The following MYO1D variants were observed in gnomAD, a reference collection of about 807,000 sequenced individuals.
MYO1D encodes unconventional myosin-Id.
MYO1D carries 83 observed loss-of-function variants against 122.0 expected under a neutral mutation model. The ratio of observed to expected loss-of-function variants is 0.68; its 90% CI spans 0.57 to 0.82. MYO1D has a LOEUF of 0.82. Among genes scored for constraint, MYO1D ranks in the 40% least tolerant of loss-of-function variants. The pLI, the probability that MYO1D is intolerant of heterozygous loss-of-function variation, is 0.00. For synonymous variants in MYO1D, 464 were observed against 446.9 expected (o/e 1.04, Z -0.48); for missense variants, 1,157 against 1,269.5 (o/e 0.91, Z 1.35).
chr17:32,848,322 G>A (rs900659207), intron 1 of MYO1D, among the ~76,000 whole-genome samples: 1 of 152,160 alleles, frequency 6.6e-6, no homozygotes, highest in African/African-American at 2.4e-5. Flanking sequence ...AATTCACATC[G>A]AAGAATTAGG....
chr17:32,716,520 T>TA (rs749122991), intron 15 of MYO1D, among the ~76,000 whole-genome samples: 4 of 152,202 alleles, frequency 2.6e-5, no homozygotes, highest in Non-Finnish European at 5.9e-5. Flanking sequence ...AGAAATCATT[T>TA]AAAGCCTACT....
rs1360540607 is a variant in MYO1D, at chr17:32,718,445, C to T, written c.1913+2578G>A. Among the ~76,000 whole-genome samples, 4 of 152,282 alleles carry T rather than the reference C, an allele frequency of 2.6e-5. No homozygotes were observed. The East Asian group carries it at 7.7e-4, about 29-fold the overall frequency. On this transcript the variant is annotated intron_variant, in intron 15 of 21. Coordinates refer to ENST00000318217, the MANE Select transcript of MYO1D (RefSeq NM_015194.3). ...GGGCGTGGTGGCTCATGCCTATAAT[C>T]CCAGCACTTTGGGAGGCTGAGGCGG...
intron 14 of MYO1D, among the ~76,000 whole-genome samples, chr17:32,730,662 T>C (rs2150997902): frequency 6.6e-6 from 1 of 152,304 alleles, no homozygotes; most frequent in Non-Finnish European, 1.5e-5. Flanking sequence ...AATCTGTCTT[T>C]TCTCTGGCTG....
chr17:32,849,107 A>C (rs919093867), intron 1 of MYO1D, among the ~76,000 whole-genome samples: 1 of 152,100 alleles, frequency 6.6e-6, no homozygotes, highest in African/African-American at 2.4e-5. Context: ...AATCAAAACC[A>C]CTATGAGATA....
intron 21 of MYO1D, among the ~76,000 whole-genome samples, chr17:32,589,416 G>GA (rs1265946684): frequency 6.6e-5 from 10 of 152,202 alleles, no homozygotes; most frequent in Non-Finnish European, 1.3e-4. Flanking sequence ...AATCTTGAGG[G>GA]ATGGGGAAAG....
intron 21 of MYO1D, among the ~76,000 whole-genome samples, chr17:32,602,977 AT>A (rs1396778003): frequency 2.6e-5 from 4 of 152,258 alleles, no homozygotes; most frequent in East Asian, 3.9e-4. Flanking sequence ...CTAAGTCAAA[AT>A]TTCAAGCCTG....
At chr17:32,811,021 G>C (rs1598117975) in intron 1 of MYO1D, among the ~76,000 whole-genome samples, 1 of 152,340 alleles carries the variant, frequency 6.6e-6, no homozygotes, top group East Asian at 1.9e-4. Flanking sequence ...CACCAAAAGT[G>C]AGTGTATTCC....
chr17:32,813,721 T>C (rs2090591191), intron 1 of MYO1D, among the ~76,000 whole-genome samples: 1 of 152,178 alleles, frequency 6.6e-6, no homozygotes, highest in South Asian at 2.1e-4. Context: ...TGTTAAGAAG[T>C]TCTGGCTACA....
At chr17:32,561,354 CTTTT>C (rs71144841) in intron 21 of MYO1D, among the ~76,000 whole-genome samples, 1 of 150,570 alleles carries the variant, frequency 6.6e-6, no homozygotes. Context: ...CAACTCTCTC[CTTTT>C]TTTTTAATTC....
chr17:32,709,518 C>T (rs1455579619), intron 16 of MYO1D, among the ~76,000 whole-genome samples: 3 of 151,824 alleles, frequency 2.0e-5, no homozygotes, highest in Non-Finnish European at 4.4e-5. Flanking sequence ...AACAGAGATC[C>T]AACAGAAACA....
chr17:32,811,678 C>T (rs2090574136), intron 1 of MYO1D, among the ~76,000 whole-genome samples: 1 of 133,042 alleles, frequency 7.5e-6, no homozygotes, highest in South Asian at 2.5e-4. Flanking sequence ...GGTGTTCATC[C>T]CTCACCAAGC....
intron 17 of MYO1D, among the ~76,000 whole-genome samples, chr17:32,655,371 T>C (rs1469026974): frequency 6.6e-6 from 1 of 152,086 alleles, no homozygotes; most frequent in African/African-American, 2.4e-5. Flanking sequence ...AATATATGAG[T>C]AGACATATAG....
At chr17:32,523,100 C>A (rs1186966411) in intron 21 of MYO1D, among the ~76,000 whole-genome samples, 2 of 152,222 alleles carry the variant, frequency 1.3e-5, no homozygotes, top group East Asian at 1.9e-4. Context: ...CAGGCGTGAG[C>A]AACCACGCCT....
chr17:32,803,123 C>T (rs938737720), intron 1 of MYO1D, among the ~76,000 whole-genome samples: 1 of 152,060 alleles, frequency 6.6e-6, no homozygotes, highest in Non-Finnish European at 1.5e-5. Context: ...GAAATGTGAA[C>T]CAAGTTGTGC....
At chr17:32,532,595 C>T (rs1357015463) in intron 21 of MYO1D, among the ~76,000 whole-genome samples, 5 of 151,778 alleles carry the variant, frequency 3.3e-5, no homozygotes, top group East Asian at 1.9e-4. Context: ...GGCGTGGTGG[C>T]GGCGCCTGTA....
intron 21 of MYO1D, among the ~76,000 whole-genome samples, chr17:32,543,004 A>T (rs571499777): frequency 1.5e-3 from 222 of 152,282 alleles, no homozygotes; most frequent in Non-Finnish European, 2.5e-3. Flanking sequence ...AGGCAGGTGG[A>T]TCACGAGGTC....
In MYO1D at chr17:32,527,641, T is replaced by TTA. The variant is rs1555622938; in HGVS notation, c.2865-32727_2865-32726insTA. Among the ~76,000 whole-genome samples, 165 of 150,994 alleles carry TTA rather than the reference T, an allele frequency of 1.1e-3. 2 individuals carry two copies. Among genetic ancestry groups the TTA allele is most frequent in the African/African-American group, 3.9e-3 (159 of 41,080 alleles). On this transcript the variant is annotated intron_variant, in intron 21 of 21. Coordinates refer to ENST00000318217, the MANE Select transcript of MYO1D (RefSeq NM_015194.3). ...GACCCCGTCTATACTAAAAATAAGA[T>TTA]AAAAAAAATAGCTGGGTATGGTGGT...
At chr17:32,863,571 T>C (rs983204037) in intron 1 of MYO1D, among the ~76,000 whole-genome samples, 2 of 152,226 alleles carry the variant, frequency 1.3e-5, no homozygotes, top group Non-Finnish European at 2.9e-5. Context: ...TTTTTAAAAG[T>C]TAATTTAGAT....
At chr17:32,626,861 G>A (rs2087934411) in intron 20 of MYO1D, among the ~76,000 whole-genome samples, 1 of 152,126 alleles carries the variant, frequency 6.6e-6, no homozygotes, top group South Asian at 2.1e-4. Flanking sequence ...AAACGACGTG[G>A]CTCACTCAAA....
Sources: gnomAD v4.1 joint callset for allele counts (sites outside exome capture counted in the v4.1 genomes callset) on GRCh38, gnomAD v4.1.1 for gene constraint, MANE v1.5 for transcripts, NCBI Gene and HGNC (gene_info 2026-07-23, HGNC 2026-07-21) for gene names.